ERC2: variants seen among roughly 807,000 people sequenced by gnomAD.
The protein encoded by ERC2 is ERC protein 2.
Under a neutral mutation model 114.8 loss-of-function variants are expected in ERC2, and 42 were observed. That is an observed-to-expected ratio of 0.37 (90% confidence interval 0.29 to 0.47). The LOEUF (loss-of-function observed/expected upper bound fraction) is 0.47, where lower values mean the gene tolerates loss of function less well. Among genes scored for constraint, ERC2 ranks in the 20% least tolerant of loss-of-function variants. The pLI is 0.99. For synonymous variants in ERC2, 454 were observed against 425.5 expected, an observed-to-expected ratio of 1.07 and a Z score of -0.82; for missense variants, 939 against 1,150.7, an observed-to-expected ratio of 0.82 and a Z score of 2.66.
Position 56,149,095 on chromosome 3 carries a change from T to C in ERC2, c.1187A>G (p.Asp396Gly). 6.2e-7 allele frequency: 1 copy of C among 1,612,710 alleles called. No individual in the cohort carries two copies. Among genetic ancestry groups the C allele is most frequent in the Non-Finnish European group, 8.5e-7 (1 of 1,179,266 alleles). The change falls in exon 5 of 18, where the codon GAT (aspartate) becomes GGT (glycine). Residue 396 changes from aspartate (D) to glycine (G), a missense_variant. Physicochemically the swap from Asp to Gly is moderately conservative, Grantham distance 94. Around this residue, in one of 5 missense-constraint regions of ERC2, gnomAD observed 148 missense variants for 159.1 expected, o/e 0.93. Transcript: ENST00000288221. ...TAACATCTGGATCTCATCCTCAAGA[T>C]CCCTTATGTTTCGTTCCAATGAAGC... is the stretch of plus-strand genomic sequence containing the variant. ...KIASLERNIR[D>G]LEDEIQMLKA...
chr3:56,171,385 T>C (rs552529025), intron 4 of ERC2, among the ~76,000 whole-genome samples: 1 of 152,304 alleles, frequency 6.6e-6, no homozygotes, highest in South Asian at 2.1e-4. Flanking sequence ...GACTTCTCTG[T>C]TGACAAGACA....
chr3:55,631,499 T>A (rs2059756986), intron 17 of ERC2, among the ~76,000 whole-genome samples: 1 of 152,192 alleles, frequency 6.6e-6, no homozygotes, highest in Non-Finnish European at 1.5e-5. Flanking sequence ...AGTTACAAGC[T>A]AGTTTCAAAC....
chr3:56,387,215 C>T (rs1344150321), intron 2 of ERC2, among the ~76,000 whole-genome samples: 1 of 152,098 alleles, frequency 6.6e-6, no homozygotes, highest in Non-Finnish European at 1.5e-5. Context: ...CACAAAAATG[C>T]TATGAGCTGA....
At chr3:56,453,291 C>G (rs4974214) in intron 1 of ERC2, among the ~76,000 whole-genome samples, 126,867 of 152,164 alleles carry the variant, frequency 0.83, 53,175 homozygotes, top group East Asian at 0.92. Context: ...GTAAAACATT[C>G]TTTTTTCTTC....
intron 17 of ERC2, among the ~76,000 whole-genome samples, chr3:55,572,707 C>A (rs1200136831): frequency 6.6e-6 from 1 of 152,130 alleles, no homozygotes; most frequent in East Asian, 1.9e-4. Flanking sequence ...CAGGTGTAAA[C>A]CCCTGCTATC....
At chr3:56,363,124 A>C (rs1216572585) in intron 2 of ERC2, among the ~76,000 whole-genome samples, 1 of 152,206 alleles carries the variant, frequency 6.6e-6, no homozygotes, top group Non-Finnish European at 1.5e-5. Context: ...ATGGTAATAA[A>C]GTAAAGAATA....
intron 15 of ERC2, among the ~76,000 whole-genome samples, chr3:55,717,099 CAG>C (rs1338398247): frequency 2.0e-5 from 3 of 152,174 alleles, no homozygotes; most frequent in East Asian, 1.9e-4. Flanking sequence ...GATGTTAAAA[CAG>C]AGTCAGGTTT....
chr3:55,673,411 C>T (rs1049412735), intron 17 of ERC2, among the ~76,000 whole-genome samples: 3 of 151,982 alleles, frequency 2.0e-5, no homozygotes, highest in Non-Finnish European at 4.4e-5. Flanking sequence ...GGTGAAACCC[C>T]GTCTCTACTA....
At chr3:56,381,548 TA>T (rs200209042) in intron 2 of ERC2, among the ~76,000 whole-genome samples, 4 of 151,312 alleles carry the variant, frequency 2.6e-5, no homozygotes, top group African/African-American at 4.9e-5. Flanking sequence ...AATTTACTTT[TA>T]AAAAAAAATA....
intron 2 of ERC2, among the ~76,000 whole-genome samples, chr3:56,433,269 A>T (rs1430319450): frequency 1.3e-5 from 2 of 152,208 alleles, no homozygotes; most frequent in Non-Finnish European, 2.9e-5. Context: ...AAGCGCTTAT[A>T]AAAATAGCAG....
chr3:56,191,044 G>A (rs898593408), intron 3 of ERC2, among the ~76,000 whole-genome samples: 1 of 152,164 alleles, frequency 6.6e-6, no homozygotes. Flanking sequence ...ACAAAGAGAG[G>A]TTGCTCCAAG....
chr3:55,722,921 T>C (rs1283028167), intron 15 of ERC2, among the ~76,000 whole-genome samples: 2 of 152,216 alleles, frequency 1.3e-5, no homozygotes, highest in Non-Finnish European at 2.9e-5. Flanking sequence ...CATTTCTTAA[T>C]GCTCTAAAAT....
chr3:55,593,805 G>A (rs1343587106), intron 17 of ERC2, among the ~76,000 whole-genome samples: 1 of 152,044 alleles, frequency 6.6e-6, no homozygotes, highest in African/African-American at 2.4e-5. Context: ...TCCACAAAGA[G>A]GCCCCATTCT....
At chr3:55,851,386 A>G (rs909687288) in intron 14 of ERC2, among the ~76,000 whole-genome samples, 45 of 152,200 alleles carry the variant, frequency 3.0e-4, no homozygotes, top group African/African-American at 1.1e-3. Flanking sequence ...ACAATCAATT[A>G]TTTTGTCATT....
chr3:55,716,901 A>C (rs1247189149), intron 15 of ERC2, among the ~76,000 whole-genome samples: 1 of 152,190 alleles, frequency 6.6e-6, no homozygotes, highest in Non-Finnish European at 1.5e-5. Flanking sequence ...CCAAGTGTTT[A>C]GGGGCCCAGG....
intron 4 of ERC2, among the ~76,000 whole-genome samples, chr3:56,169,235 C>CATAT (rs1427018586): frequency 6.6e-6 from 1 of 152,240 alleles, no homozygotes; most frequent in Middle Eastern, 3.2e-3. Flanking sequence ...TTATGTCACT[C>CATAT]ATATATGTCT....
chr3:55,683,414 C>G (rs2062156931), intron 17 of ERC2, among the ~76,000 whole-genome samples: 1 of 152,190 alleles, frequency 6.6e-6, no homozygotes, highest in African/African-American at 2.4e-5. Context: ...ACTGGCATAT[C>G]TGGTGAAAGC....
At chr3:55,904,803 T>C (rs1212239113) in intron 13 of ERC2, among the ~76,000 whole-genome samples, 1 of 152,222 alleles carries the variant, frequency 6.6e-6, no homozygotes, top group Non-Finnish European at 1.5e-5. Flanking sequence ...CCTCGTGGCA[T>C]CTTCTCCTTC....
intron 12 of ERC2, among the ~76,000 whole-genome samples, chr3:55,952,136 A>AACACACACACACAC (rs778299355): frequency 1.3e-5 from 1 of 75,422 alleles, no homozygotes; most frequent in Non-Finnish European, 2.8e-5. Flanking sequence ...CCATCTCTAA[A>AACACACACACACAC]ACACACACAC....
Sources: allele counts gnomAD v4.1 joint callset (sites outside exome capture counted in the v4.1 genomes callset), GRCh38; gene constraint gnomAD v4.1.1; regional missense constraint gnomAD v4.1.1; transcripts MANE v1.5; gene names NCBI Gene and HGNC (gene_info 2026-07-23, HGNC 2026-07-21).